Variants in PLXNA4 observed in about 807,000 individuals in gnomAD.
The protein encoded by PLXNA4 is plexin A4.
PLXNA4 carries 44 observed loss-of-function variants against 191.8 expected under a neutral mutation model. The ratio of observed to expected loss-of-function variants is 0.23; its 90% CI spans 0.18 to 0.29. PLXNA4 has a LOEUF of 0.29. Ranked by LOEUF, PLXNA4 falls within the 10% of genes least tolerant of loss-of-function variation. The probability of loss-of-function intolerance (pLI) is 1.00; values close to 1 mark genes in which losing one functional copy is unlikely to be tolerated. For synonymous variants in PLXNA4, 1,082 were observed against 1,009.5 expected, an observed-to-expected ratio of 1.07 and a Z score of -1.36; for missense variants, 1,800 against 2,488.8, an observed-to-expected ratio of 0.72 and a Z score of 5.89.
At position 132,423,535 on chromosome 7, in the gene PLXNA4, C is replaced by G. The variant is rs1264399178; in HGVS notation, c.1371+65757G>C. 2.6e-5 allele frequency among the ~76,000 whole-genome samples: 4 copies of G among 152,182 alleles called. No individual in the cohort carries two copies. The East Asian group carries it at 7.7e-4, about 29-fold the overall frequency. ...AGAGATTTGGGGCCAGAATATCAGT[C>G]ACATGTATGCCCATCCAGCTTTTCT... On this transcript the variant is annotated intron_variant, in intron 3 of 31. Transcript: ENST00000321063.
chr7:132,258,982 T>C (rs1437128411), intron 4 of PLXNA4, among the ~76,000 whole-genome samples: 3 of 152,198 alleles, frequency 2.0e-5, no homozygotes, highest in Non-Finnish European at 4.4e-5. Flanking sequence ...TAAACTGTGT[T>C]TACTGGTACT....
Position 132,576,411 on chromosome 7 carries a change from C to G in PLXNA4, c.-87+11G>C. 1.0e-6 allele frequency: 1 copy of G among 985,656 alleles called. No homozygotes were observed. 61.1% of individuals were successfully genotyped at this position (985,656 alleles called of 1,614,324 possible). A position where few individuals can be genotyped will look rare whatever the true frequency, so the allele number is the denominator to read the frequency against. Reference sequence around the variant, plus strand: ...CGCCCGGCCCCACTCCCCGGCGGGCCGGCTCCTTACCTGGACGCGCCGCGT... The same window carrying G: ...CGCCCGGCCCCACTCCCCGGCGGGCGGGCTCCTTACCTGGACGCGCCGCGT... On this transcript the variant is annotated intron_variant, in intron 1 of 31. Coordinates refer to ENST00000321063, the MANE Select transcript of PLXNA4 (RefSeq NM_020911.2). This position sits in a 1 kb window ranked among gnomAD's most constrained non-coding sequence, Gnocchi z 5.8.
intron 9 of PLXNA4, among the ~76,000 whole-genome samples, chr7:132,221,441 T>C (rs1798142052): frequency 6.6e-6 from 1 of 152,162 alleles, no homozygotes; most frequent in African/African-American, 2.4e-5. Flanking sequence ...ATCAAGTTAT[T>C]TGCAGGTTTC....
chr7:132,640,812 C>T (rs1241036357), intron 2 of PLXNA4, among the ~76,000 whole-genome samples: 1 of 149,868 alleles, frequency 6.7e-6, no homozygotes, highest in East Asian at 1.9e-4. Context: ...CAATTAAACA[C>T]AATTACTTCT....
At chr7:132,283,371 C>T (rs540660686) in intron 4 of PLXNA4, among the ~76,000 whole-genome samples, 1 of 152,314 alleles carries the variant, frequency 6.6e-6, no homozygotes, top group African/African-American at 2.4e-5. Flanking sequence ...GAATTAGAGA[C>T]TGAGAGCATG....
intron 13 of PLXNA4, among the ~76,000 whole-genome samples, chr7:132,196,848 T>C (rs1797268312): frequency 6.6e-6 from 1 of 152,228 alleles, no homozygotes; most frequent in Non-Finnish European, 1.5e-5. Flanking sequence ...ACATTTATTT[T>C]TCGTATGACT....
At chr7:132,577,564 C>A (rs1002925326), upstream of PLXNA4, among the ~76,000 whole-genome samples, 6 of 152,078 alleles carry the variant, frequency 3.9e-5, no homozygotes, top group African/African-American at 1.4e-4. Context: ...ATGCTCCCAC[C>A]CGCCGCCGCC....
chr7:132,418,029 T>C (rs562729269), intron 3 of PLXNA4, among the ~76,000 whole-genome samples: 14 of 152,198 alleles, frequency 9.2e-5, no homozygotes, highest in Non-Finnish European at 1.2e-4. Context: ...TATTTAGAAC[T>C]AGCATTCTGG....
intron 4 of PLXNA4, among the ~76,000 whole-genome samples, chr7:132,285,659 G>T (rs1200458475): frequency 6.6e-6 from 1 of 152,168 alleles, no homozygotes; most frequent in African/African-American, 2.4e-5. Context: ...ACTAGTCATC[G>T]TGAACAAGGG....
At chr7:132,215,161 C>T (rs904464128) in intron 9 of PLXNA4, among the ~76,000 whole-genome samples, 2 of 152,210 alleles carry the variant, frequency 1.3e-5, no homozygotes, top group Non-Finnish European at 2.9e-5. Flanking sequence ...CTCTGCCTAA[C>T]TTAAATAGCT....
intron 4 of PLXNA4, among the ~76,000 whole-genome samples, chr7:132,290,733 G>GT (rs1800853968): frequency 6.6e-6 from 1 of 152,074 alleles, no homozygotes; most frequent in African/African-American, 2.4e-5. Flanking sequence ...AGAGAGAAAC[G>GT]TAACACGGCT....
At chr7:132,638,659 A>C (rs988185159) in intron 2 of PLXNA4, among the ~76,000 whole-genome samples, 1 of 152,090 alleles carries the variant, frequency 6.6e-6, no homozygotes, top group Non-Finnish European at 1.5e-5. Flanking sequence ...CTCAAAAAAC[A>C]GAAAAAAGAA....
intron 1 of PLXNA4, among the ~76,000 whole-genome samples, chr7:132,539,589 T>G (rs1799984980): frequency 6.6e-6 from 1 of 152,186 alleles, no homozygotes; most frequent in Non-Finnish European, 1.5e-5. Context: ...CTGCACAACC[T>G]TGAGTAATAC....
intron 1 of PLXNA4, among the ~76,000 whole-genome samples, chr7:132,537,899 G>A (rs943911796): frequency 1.2e-4 from 19 of 152,184 alleles, no homozygotes; most frequent in Admixed American, 1.2e-3. Context: ...CAACCCGCAC[G>A]CTCAGCCTGG....
chr7:132,484,920 T>A, intron 3 of PLXNA4: 1 of 1,614,202 alleles, frequency 6.2e-7, no homozygotes, highest in Non-Finnish European at 8.5e-7. Context: ...ACACACAGCA[T>A]CTGTTCCTGA....
intron 2 of PLXNA4, among the ~76,000 whole-genome samples, chr7:132,503,805 C>T (rs999032858): frequency 1.3e-5 from 2 of 152,200 alleles, no homozygotes; most frequent in African/African-American, 4.8e-5. Context: ...CTCTGACAGA[C>T]CCTCTAGGAC....
intron 4 of PLXNA4, among the ~76,000 whole-genome samples, chr7:132,264,625 C>T (rs1799776092): frequency 6.6e-6 from 1 of 151,858 alleles, no homozygotes; most frequent in African/African-American, 2.4e-5. Context: ...ATGCCCTGAG[C>T]TACCTCATCT....
intron 2 of PLXNA4, among the ~76,000 whole-genome samples, chr7:132,617,451 G>A (rs1803179352): frequency 6.6e-6 from 1 of 152,204 alleles, no homozygotes; most frequent in Non-Finnish European, 1.5e-5. Flanking sequence ...AGTGAAAAAT[G>A]CCTCTGTATT....
chr7:132,461,100 G>A (rs1352064289), intron 3 of PLXNA4, among the ~76,000 whole-genome samples: 1 of 152,168 alleles, frequency 6.6e-6, no homozygotes, highest in Non-Finnish European at 1.5e-5. Flanking sequence ...AAAGTAAACA[G>A]CATCTCAAAA....
Sources: allele counts gnomAD v4.1 joint callset (sites outside exome capture counted in the v4.1 genomes callset), GRCh38; gene constraint gnomAD v4.1.1; non-coding constraint Gnocchi (gnomAD v3.1); transcripts MANE v1.5; gene names NCBI Gene and HGNC (gene_info 2026-07-23, HGNC 2026-07-21).